Variants in DGKI observed in about 807,000 individuals in gnomAD.
The protein encoded by DGKI is DAG kinase iota.
DGKI carries 55 observed loss-of-function variants against 147.5 expected under a neutral mutation model. That is an observed-to-expected ratio of 0.37 (90% CI 0.30 to 0.47). The LOEUF is 0.47. DGKI is among the 20% of genes least tolerant of loss of function. The probability of loss-of-function intolerance (pLI) is 1.00; values close to 1 mark genes in which losing one functional copy is unlikely to be tolerated. For missense variants in DGKI, 1,007 were observed against 1,323.8 expected, an observed-to-expected ratio of 0.76 and a Z score of 3.71; for synonymous variants, 469 against 477.1, an observed-to-expected ratio of 0.98 and a Z score of 0.22.
intron 19 of DGKI, among the ~76,000 whole-genome samples, chr7:137,557,713 C>A (rs563246288): frequency 6.6e-6 from 1 of 152,242 alleles, no homozygotes; most frequent in Admixed American, 6.5e-5. Context: ...TCTCTCCAGG[C>A]GAACCTGTCC....
chr7:137,716,070 G>T (rs73152517), intron 1 of DGKI, among the ~76,000 whole-genome samples: 2,707 of 152,296 alleles, frequency 0.018, 46 homozygotes, highest in Admixed American at 0.037. Context: ...TTGAAGCTCT[G>T]AATGACCTAG....
At chr7:137,620,055 T>C (rs1385599030) in intron 7 of DGKI, 115 bp from the exon 8 acceptor site, 2 of 362,162 alleles carry the variant, frequency 5.5e-6, no homozygotes, top group African/African-American at 2.5e-5. Context: ...ACACACACAC[T>C]CATTACATGC....
At chr7:137,708,647 G>A (rs529721596) in intron 1 of DGKI, among the ~76,000 whole-genome samples, 4 of 152,190 alleles carry the variant, frequency 2.6e-5, no homozygotes, top group Non-Finnish European at 5.9e-5. Flanking sequence ...ATTGCTGTTT[G>A]TATGGAAGTA....
intron 1 of DGKI, among the ~76,000 whole-genome samples, chr7:137,835,391 T>G (rs900779308): frequency 1.3e-5 from 2 of 152,162 alleles, no homozygotes; most frequent in Admixed American, 6.5e-5. Flanking sequence ...AGGTGGCTAT[T>G]TCTTCCCCTA....
chr7:137,444,578 C>T (rs1202305712), intron 27 of DGKI, among the ~76,000 whole-genome samples: 1 of 152,152 alleles, frequency 6.6e-6, no homozygotes, highest in African/African-American at 2.4e-5. Flanking sequence ...TGTTTTCACT[C>T]TTCATGGAAT....
At chr7:137,678,423 G>C (rs951499364) in intron 3 of DGKI, 134 bp downstream of exon 3, 39 of 808,896 alleles carry the variant, frequency 4.8e-5, no homozygotes, top group Non-Finnish European at 7.4e-5. Flanking sequence ...TGCAAACCTT[G>C]AAAACATCCG....
chr7:137,574,892 G>A (rs1429140604), intron 17 of DGKI, among the ~76,000 whole-genome samples: 6 of 152,120 alleles, frequency 3.9e-5, no homozygotes, highest in African/African-American at 1.4e-4. Context: ...GACATTACTA[G>A]CTATTGCATT....
chr7:137,425,597 C>T (rs1812767358), intron 28 of DGKI, among the ~76,000 whole-genome samples: 3 of 152,104 alleles, frequency 2.0e-5, no homozygotes, highest in African/African-American at 4.8e-5. Context: ...GATCAAATTA[C>T]TCTGAGCTAC....
At chr7:137,810,019 CAG>C (rs1797512927) in intron 1 of DGKI, among the ~76,000 whole-genome samples, 1 of 152,200 alleles carries the variant, frequency 6.6e-6, no homozygotes, top group Non-Finnish European at 1.5e-5. Flanking sequence ...TCTGCTTTCA[CAG>C]CCAAGAGCCT....
At chr7:137,809,436 T>C (rs1381514730) in intron 1 of DGKI, among the ~76,000 whole-genome samples, 1 of 152,186 alleles carries the variant, frequency 6.6e-6, no homozygotes, top group Admixed American at 6.5e-5. Flanking sequence ...GATATGTGCC[T>C]AGTGTTTAAG....
rs192425920 is a variant in DGKI at position 137,756,029 on chromosome 7, T to A, written c.402-66027A>T. 3.9e-5 allele frequency among the ~76,000 whole-genome samples: 6 copies of A among 152,304 alleles called. No individual in the cohort carries two copies. The East Asian group carries it at 1.2e-3, about 29-fold the overall frequency. ...CCAGACATTCAACAAACACGTCAGT[T>A]GAACAAAATAAGTTCTTCCTTATGC... On this transcript the variant is annotated intron_variant, in intron 1 of 32. Coordinates refer to ENST00000614521, the MANE Select transcript of DGKI (RefSeq NM_001321708.2).
At chr7:137,842,707 T>G (rs1261489693) in intron 1 of DGKI, among the ~76,000 whole-genome samples, 1 of 152,112 alleles carries the variant, frequency 6.6e-6, no homozygotes, top group Non-Finnish European at 1.5e-5. Context: ...CAGGTGCATG[T>G]AGGTGGTTTT....
intron 20 of DGKI, among the ~76,000 whole-genome samples, chr7:137,536,138 CAT>C (rs1817512161): frequency 2.0e-5 from 3 of 152,118 alleles, no homozygotes; most frequent in South Asian, 4.2e-4. Context: ...AATATACATA[CAT>C]ATATGCACAC....
intron 6 of DGKI, among the ~76,000 whole-genome samples, chr7:137,634,994 G>A (rs538896195): frequency 2.0e-5 from 3 of 152,234 alleles, no homozygotes; most frequent in Non-Finnish European, 4.4e-5. Context: ...CAGGGCCCTG[G>A]AGGGAAACAG....
intron 23 of DGKI, among the ~76,000 whole-genome samples, chr7:137,481,778 C>T (rs1416784088): frequency 6.6e-6 from 1 of 152,026 alleles, no homozygotes; most frequent in African/African-American, 2.4e-5. Context: ...CTAAATGCTG[C>T]TTTTCTCTTG....
intron 24 of DGKI, among the ~76,000 whole-genome samples, chr7:137,467,982 C>A (rs552100121): frequency 3.9e-4 from 57 of 146,432 alleles, no homozygotes; most frequent in African/African-American, 9.7e-4. Flanking sequence ...AGACTCCTAT[C>A]TCAAAAAAGA....
chr7:137,597,375 A>G (rs1430382561), intron 12 of DGKI, among the ~76,000 whole-genome samples: 1 of 152,134 alleles, frequency 6.6e-6, no homozygotes, highest in African/African-American at 2.4e-5. Flanking sequence ...ATGTCAACAA[A>G]AAAGAACATA....
chr7:137,688,593 T>C (rs1445064436), intron 2 of DGKI, among the ~76,000 whole-genome samples: 1 of 152,350 alleles, frequency 6.6e-6, no homozygotes, highest in Non-Finnish European at 1.5e-5. Context: ...TGCTGCAGAC[T>C]ACAGGGTTGT....
intron 27 of DGKI, among the ~76,000 whole-genome samples, chr7:137,462,288 A>T (rs1814475006): frequency 6.6e-6 from 1 of 152,182 alleles, no homozygotes. Context: ...CCTGATTCAC[A>T]AGCCTCAATT....
Sources: allele counts gnomAD v4.1 joint callset (sites outside exome capture counted in the v4.1 genomes callset), GRCh38; gene constraint gnomAD v4.1.1; transcripts MANE v1.5; gene names NCBI Gene and HGNC (gene_info 2026-07-23, HGNC 2026-07-21).